The following CSMD3 variants were observed in gnomAD, a reference collection of about 807,000 sequenced individuals.
CSMD3 encodes the protein CUB and Sushi multiple domains 3, also known as CUB and sushi domain-containing protein 3.
Under a neutral mutation model 435.2 loss-of-function variants are expected in CSMD3, and 177 were observed. That is an observed-to-expected ratio of 0.41 (90% CI 0.36 to 0.46). CSMD3 has a LOEUF of 0.46. Among genes scored for constraint, CSMD3 ranks in the 20% least tolerant of loss-of-function variants. The pLI is 0.34. For synonymous variants in CSMD3, 1,656 were observed against 1,520.5 expected, an observed-to-expected ratio of 1.09 and a Z score of -2.07; for missense variants, 4,265 against 4,504.6, an observed-to-expected ratio of 0.95 and a Z score of 1.52.
chr8:113,066,671 A>G (rs2088874037), intron 5 of CSMD3, among the ~76,000 whole-genome samples: 2 of 152,112 alleles, frequency 1.3e-5, no homozygotes, highest in South Asian at 4.1e-4. Context: ...TCAATCATGC[A>G]TATCATAAAG....
chr8:113,138,924 T>C (rs1168955807), intron 4 of CSMD3, among the ~76,000 whole-genome samples: 1 of 151,186 alleles, frequency 6.6e-6, no homozygotes, highest in Non-Finnish European at 1.5e-5. Context: ...TATTATATAA[T>C]GTTTAGTATT....
chr8:112,811,401 CT>C (rs1239001981), intron 12 of CSMD3, among the ~76,000 whole-genome samples: 1 of 114,144 alleles, frequency 8.8e-6, no homozygotes, highest in Non-Finnish European at 1.8e-5. Context: ...GTTTTAAAAG[CT>C]AAAGAAAACA....
intron 9 of CSMD3, among the ~76,000 whole-genome samples, chr8:112,927,098 T>A (rs984007153): frequency 6.6e-6 from 1 of 152,176 alleles, no homozygotes; most frequent in African/African-American, 2.4e-5. Context: ...GCTGATTTAA[T>A]ATCTTTAAAA....
intron 45 of CSMD3, among the ~76,000 whole-genome samples, chr8:112,321,446 G>A (rs1473853620): frequency 6.6e-6 from 1 of 152,124 alleles, no homozygotes; most frequent in Non-Finnish European, 1.5e-5. Context: ...GAAAGAAGGA[G>A]TAAAATTTTT....
intron 12 of CSMD3, among the ~76,000 whole-genome samples, chr8:112,801,345 T>C (rs1229073456): frequency 6.6e-6 from 1 of 152,018 alleles, no homozygotes; most frequent in African/African-American, 2.4e-5. Context: ...GCCCTGTGCG[T>C]AGTCAACTAT....
At chr8:113,033,715 G>A (rs1458924544) in intron 5 of CSMD3, among the ~76,000 whole-genome samples, 1 of 151,272 alleles carries the variant, frequency 6.6e-6, no homozygotes, top group South Asian at 2.1e-4. Context: ...TTGGGGAACT[G>A]TTAGGAAGGC....
chr8:113,233,926 T>C (rs2093119205), intron 3 of CSMD3, among the ~76,000 whole-genome samples: 1 of 152,010 alleles, frequency 6.6e-6, no homozygotes, highest in African/African-American at 2.4e-5. Flanking sequence ...GTAGCCAGAA[T>C]TTCCACATTT....
At chr8:113,237,120 T>C (rs1243575578) in intron 3 of CSMD3, among the ~76,000 whole-genome samples, 2 of 152,164 alleles carry the variant, frequency 1.3e-5, no homozygotes, top group African/African-American at 4.8e-5. Flanking sequence ...CCCTCATCCC[T>C]TTTGTCCAAA....
At chr8:112,532,573 A>C (rs1485821463) in intron 27 of CSMD3, among the ~76,000 whole-genome samples, 1 of 152,174 alleles carries the variant, frequency 6.6e-6, no homozygotes, top group Non-Finnish European at 1.5e-5. Context: ...AAGGCAAAAA[A>C]ATTTCTAACC....
chr8:113,103,613 A>G (rs2090390871), intron 4 of CSMD3, among the ~76,000 whole-genome samples: 1 of 152,088 alleles, frequency 6.6e-6, no homozygotes, highest in Non-Finnish European at 1.5e-5. Flanking sequence ...GTGAATTTAA[A>G]TCTATTAATT....
chr8:112,774,674 G>A (rs905138756), intron 13 of CSMD3, among the ~76,000 whole-genome samples: 1 of 151,914 alleles, frequency 6.6e-6, no homozygotes, highest in South Asian at 2.1e-4. Flanking sequence ...ACACCTGTTT[G>A]GGCATTAGAG....
At chr8:113,344,777 G>A (rs114916309) in intron 1 of CSMD3, among the ~76,000 whole-genome samples, 2 of 151,928 alleles carry the variant, frequency 1.3e-5, no homozygotes, top group Non-Finnish European at 2.9e-5. Flanking sequence ...CTCTCATCAC[G>A]CAAATAAAAT....
chr8:113,021,474 A>T (rs2086681975), intron 5 of CSMD3, among the ~76,000 whole-genome samples: 1 of 152,196 alleles, frequency 6.6e-6, no homozygotes, highest in Admixed American at 6.5e-5. Flanking sequence ...ATTATTTTTG[A>T]CAGGCTGCAC....
intron 13 of CSMD3, among the ~76,000 whole-genome samples, chr8:112,713,964 A>G (rs1430653714): frequency 6.6e-6 from 1 of 152,186 alleles, no homozygotes; most frequent in Non-Finnish European, 1.5e-5. Context: ...AGACACTGGA[A>G]AAACATGCCA....
At chr8:112,611,380 T>C (rs911617375) in intron 22 of CSMD3, among the ~76,000 whole-genome samples, 1 of 152,162 alleles carries the variant, frequency 6.6e-6, no homozygotes, top group African/African-American at 2.4e-5. Flanking sequence ...AAATAAACCA[T>C]CTTGGGTTTA....
rs191704856 is a variant in CSMD3 at position 113,263,669 on chromosome 8, G to A, written c.514+14923C>T. ...ATTTTGATAGCAATTTCTCACACTTGGTAGCATTAAAATTCACTTGAACAT... is the reference window on the plus strand; with the variant it reads ...ATTTTGATAGCAATTTCTCACACTTAGTAGCATTAAAATTCACTTGAACAT... On this transcript the variant is annotated intron_variant, in intron 3 of 70. Transcript: ENST00000297405. 6.2e-3 allele frequency among the ~76,000 whole-genome samples: 935 copies of A among 151,430 alleles called. 31 individuals are homozygous for A. The highest frequency in any genetic ancestry group is 0.051 in the Admixed American group (773 of 15,138).
chr8:113,112,033 T>G (rs1401540487), intron 4 of CSMD3, among the ~76,000 whole-genome samples: 1 of 152,024 alleles, frequency 6.6e-6, no homozygotes, highest in East Asian at 1.9e-4. Context: ...TCTTACTCCC[T>G]AATCCCTGGC....
intron 13 of CSMD3, among the ~76,000 whole-genome samples, chr8:112,781,717 C>A (rs369398881): frequency 1.8e-4 from 27 of 152,196 alleles, no homozygotes; most frequent in African/African-American, 6.5e-4. Flanking sequence ...CAACTGCAGG[C>A]AGCTCAGCAT....
chr8:112,418,697 C>A (rs1812167584), intron 32 of CSMD3, among the ~76,000 whole-genome samples: 1 of 152,058 alleles, frequency 6.6e-6, no homozygotes, highest in Admixed American at 6.6e-5. Context: ...AATCAATGAG[C>A]TACTGTTTTT....
Sources: allele counts gnomAD v4.1 joint callset (sites outside exome capture counted in the v4.1 genomes callset), GRCh38; gene constraint gnomAD v4.1.1; transcripts MANE v1.5; gene names NCBI Gene and HGNC (gene_info 2026-07-23, HGNC 2026-07-21).